CSTPP1: variants seen among roughly 807,000 people sequenced by gnomAD.
The protein encoded by CSTPP1 is UPF0705 protein C11orf49.
the CSTPP1 span, among the ~76,000 whole-genome samples, chr11:46,937,878 A>T: frequency 2.7e-5 from 4 of 150,632 alleles, no homozygotes; most frequent in East Asian, 1.9e-4. Context: ...TTATTTTTTT[A>T]AAGACGTTTT....
At chr11:47,034,794 TG>T in the CSTPP1 span, among the ~76,000 whole-genome samples, 1 of 152,198 alleles carries the variant, frequency 6.6e-6, no homozygotes, top group East Asian at 1.9e-4. Flanking sequence ...CCACTGCACC[TG>T]GTTGCCTCAA....
At chr11:47,162,120 C>A in the CSTPP1 span, 3 of 986,430 alleles carry the variant, frequency 3.0e-6, no homozygotes, top group Non-Finnish European at 3.6e-6. Context: ...CAGCCAGTAG[C>A]CTTGGTAATA....
chr11:47,046,885 A>G, the CSTPP1 span, among the ~76,000 whole-genome samples: 1 of 138,348 alleles, frequency 7.2e-6, no homozygotes, highest in Admixed American at 7.3e-5. Flanking sequence ...AGGCTGGTTG[A>G]TTGAACACAA....
At chr11:46,950,539 A>G in the CSTPP1 span, among the ~76,000 whole-genome samples, 1 of 152,114 alleles carries the variant, frequency 6.6e-6, no homozygotes, top group African/African-American at 2.4e-5. Flanking sequence ...ATTTTTTAAT[A>G]CAGAGATAAT....
At chr11:47,150,250 T>A in the CSTPP1 span, among the ~76,000 whole-genome samples, 1 of 152,136 alleles carries the variant, frequency 6.6e-6, no homozygotes, top group Non-Finnish European at 1.5e-5. Flanking sequence ...TTAATCCCTC[T>A]GAATGTCTGC....
chr11:47,111,987 C>CCT, the CSTPP1 span, among the ~76,000 whole-genome samples: 2 of 152,228 alleles, frequency 1.3e-5, no homozygotes, highest in South Asian at 4.1e-4. Flanking sequence ...TCTTCCTTTC[C>CCT]CTCTTATTCT....
At chr11:47,028,593 G>T in the CSTPP1 span, among the ~76,000 whole-genome samples, 15 of 152,176 alleles carry the variant, frequency 9.9e-5, no homozygotes, top group Non-Finnish European at 2.1e-4. Context: ...AAGCTGGTGT[G>T]TAAGGCAACT....
the CSTPP1 span, among the ~76,000 whole-genome samples, chr11:47,036,644 A>G: frequency 2.4e-5 from 3 of 125,764 alleles, 1 homozygote; most frequent in Non-Finnish European, 5.7e-5. Context: ...CTGGAATTGA[A>G]TCAGTGTGAG....
chr11:47,074,015 T>C, the CSTPP1 span, among the ~76,000 whole-genome samples: 2 of 152,184 alleles, frequency 1.3e-5, no homozygotes, highest in Non-Finnish European at 2.9e-5. Context: ...TTGTGGTTAA[T>C]ATGTTCCTAC....
chr11:46,938,154 G>A, the CSTPP1 span, among the ~76,000 whole-genome samples: 1 of 152,050 alleles, frequency 6.6e-6, no homozygotes. Context: ...GATTACAGGC[G>A]TGAGCCACTG....
At chr11:46,937,802 G>T in the CSTPP1 span, among the ~76,000 whole-genome samples, 2 of 152,176 alleles carry the variant, frequency 1.3e-5, no homozygotes, top group African/African-American at 4.8e-5. Flanking sequence ...CTCCAAAAGT[G>T]CTTGGATTAC....
the CSTPP1 span, among the ~76,000 whole-genome samples, chr11:46,980,896 T>G: frequency 2.0e-5 from 3 of 152,112 alleles, no homozygotes; most frequent in South Asian, 6.2e-4. Context: ...TTTCTAACTA[T>G]TAAATCGGCA....
the CSTPP1 span, among the ~76,000 whole-genome samples, chr11:46,961,009 T>C: frequency 1.2e-4 from 19 of 152,338 alleles, no homozygotes; most frequent in East Asian, 3.7e-3. Flanking sequence ...ACTACTTGGA[T>C]TTTATGAAAA....
At chr11:46,996,160 C>T in the CSTPP1 span, among the ~76,000 whole-genome samples, 1 of 152,008 alleles carries the variant, frequency 6.6e-6, no homozygotes, top group African/African-American at 2.4e-5. Context: ...TTATTTTGAG[C>T]CTATGTGTGT....
At chr11:47,157,746 G>C in the CSTPP1 span, 1 of 1,497,650 alleles carries the variant, frequency 6.7e-7, no homozygotes, top group Non-Finnish European at 9.3e-7. Context: ...TCATGAACCT[G>C]AAAGTATGGA....
the CSTPP1 span, among the ~76,000 whole-genome samples, chr11:46,963,634 A>T: frequency 1.2e-4 from 18 of 151,990 alleles, no homozygotes; most frequent in Non-Finnish European, 2.4e-4. Context: ...AATACAAAAA[A>T]AATTAGCTGG....
chr11:47,106,969 T>C, the CSTPP1 span, among the ~76,000 whole-genome samples: 16 of 152,188 alleles, frequency 1.1e-4, no homozygotes, highest in East Asian at 5.8e-4. Flanking sequence ...CAAACAAGGA[T>C]ACGCTGTTTC....
chr11:46,987,546 G>T, the CSTPP1 span: 3 of 439,048 alleles, frequency 6.8e-6, no homozygotes, highest in African/African-American at 5.8e-5. Context: ...ACAACTGCTT[G>T]TTTGATCTAT....
the CSTPP1 span, among the ~76,000 whole-genome samples, chr11:47,028,336 A>G: frequency 6.6e-6 from 1 of 152,202 alleles, no homozygotes; most frequent in Non-Finnish European, 1.5e-5. Flanking sequence ...CTCATTCCGA[A>G]TACATCATAT....
Sources: allele counts gnomAD v4.1 joint callset (sites outside exome capture counted in the v4.1 genomes callset), GRCh38; gene constraint gnomAD v4.1.1; transcripts MANE v1.5; gene names NCBI Gene and HGNC (gene_info 2026-07-23, HGNC 2026-07-21).